The following DPP10 variants were observed in gnomAD, a reference collection of about 807,000 sequenced individuals.
DPP10 encodes the protein dipeptidyl peptidase like 10.
Under a neutral mutation model 120.9 loss-of-function variants are expected in DPP10, and 33 were observed. The observed-to-expected ratio is 0.27, with a 90% CI of 0.21 to 0.37. The LOEUF (loss-of-function observed/expected upper bound fraction) is 0.37. DPP10 is among the 10% of genes least tolerant of loss of function. The pLI, the probability that DPP10 is intolerant of heterozygous loss-of-function variation, is 1.00. For missense variants in DPP10, 816 were observed against 942.8 expected (o/e 0.87, Z 1.76); for synonymous variants, 337 against 326.1 (o/e 1.03, Z -0.36).
At chr2:114,782,081 T>A in intron 1 of DPP10, among the ~76,000 whole-genome samples, 1 of 152,212 alleles carries the variant, frequency 6.6e-6, no homozygotes, top group South Asian at 2.1e-4. Context: ...TAAAGAATCA[T>A]GAGTCTTCAA....
chr2:115,606,930 C>G (rs1035062394), intron 5 of DPP10, among the ~76,000 whole-genome samples: 49 of 152,306 alleles, frequency 3.2e-4, no homozygotes, highest in African/African-American at 1.2e-3. Flanking sequence ...CATTTTTCCT[C>G]TCCTGCCTTG....
chr2:115,201,667 A>G (rs1304127028), intron 1 of DPP10, among the ~76,000 whole-genome samples: 11 of 152,162 alleles, frequency 7.2e-5, no homozygotes, highest in African/African-American at 2.7e-4. Flanking sequence ...TTTCTTTTCA[A>G]GAGCTCATGT....
Position 114,620,631 on chromosome 2 carries a change from A to G in DPP10, c.60+177793A>G, listed in dbSNP as rs191653011. The stretch of plus-strand genomic sequence containing the variant: ...TGACAGTGAAAATTTGTTCTGCAAT[A>G]TCTATTTGGTTTTACGTATTTGTTT... On this transcript the variant is annotated intron_variant, in intron 1 of 25. Transcript: ENST00000410059. Among the ~76,000 whole-genome samples the G allele has an allele frequency of 7.9e-5, 12 of 152,178 alleles. 1 individual carries two copies. Among genetic ancestry groups the G allele is most frequent in the African/African-American group, 2.9e-4 (12 of 41,554 alleles).
intron 1 of DPP10, among the ~76,000 whole-genome samples, chr2:114,711,426 C>G (rs1166569410): frequency 6.6e-6 from 1 of 152,128 alleles, no homozygotes; most frequent in Non-Finnish European, 1.5e-5. Flanking sequence ...ATCCAGCTGC[C>G]TGGGTTACAA....
At chr2:115,025,183 C>A (rs1703371028) in intron 1 of DPP10, among the ~76,000 whole-genome samples, 1 of 72,394 alleles carries the variant, frequency 1.4e-5, no homozygotes, top group Non-Finnish European at 2.8e-5. Flanking sequence ...CTGGTAACCA[C>A]CAATCTTCTC....
At chr2:115,045,637 TGGTCCA>T (rs1705006893) in intron 1 of DPP10, among the ~76,000 whole-genome samples, 1 of 152,212 alleles carries the variant, frequency 6.6e-6, no homozygotes, top group Non-Finnish European at 1.5e-5. Context: ...CTGTGCCATG[TGGTCCA>T]GACCAGGGGA....
At chr2:115,586,042 G>C (rs942620675) in intron 5 of DPP10, among the ~76,000 whole-genome samples, 4 of 152,132 alleles carry the variant, frequency 2.6e-5, no homozygotes, top group African/African-American at 9.7e-5. Context: ...AATATCAAAG[G>C]CCAGGTGTGG....
intron 5 of DPP10, among the ~76,000 whole-genome samples, chr2:115,582,795 C>T (rs916025927): frequency 2.0e-5 from 3 of 152,212 alleles, no homozygotes; most frequent in East Asian, 3.9e-4. Flanking sequence ...AAAAATGTCT[C>T]GGGGTTGTTA....
At chr2:114,918,617 C>T (rs1001120722) in intron 1 of DPP10, among the ~76,000 whole-genome samples, 2 of 152,104 alleles carry the variant, frequency 1.3e-5, no homozygotes, top group African/African-American at 2.4e-5. Flanking sequence ...ACAGAGCCAT[C>T]GAATGAATGA....
chr2:114,548,802 T>C (rs970415745), intron 1 of DPP10, among the ~76,000 whole-genome samples: 1 of 152,172 alleles, frequency 6.6e-6, no homozygotes, highest in Non-Finnish European at 1.5e-5. Context: ...TGGCACCAGT[T>C]GCTTGTAATG....
chr2:115,685,422 C>T (rs2149485647), intron 5 of DPP10, among the ~76,000 whole-genome samples: 1 of 152,092 alleles, frequency 6.6e-6, no homozygotes, highest in Admixed American at 6.6e-5. Context: ...TGACCTACAA[C>T]AGAGTTTTCC....
At chr2:114,584,348 G>C (rs917710288) in intron 1 of DPP10, among the ~76,000 whole-genome samples, 14 of 152,096 alleles carry the variant, frequency 9.2e-5, no homozygotes, top group African/African-American at 3.1e-4. Flanking sequence ...GCTTAGAGTT[G>C]TTAACAACCT....
intron 1 of DPP10, among the ~76,000 whole-genome samples, chr2:114,830,361 T>C (rs1374757426): frequency 2.0e-5 from 3 of 152,186 alleles, no homozygotes; most frequent in African/African-American, 7.2e-5. Flanking sequence ...TCCTCTGTTC[T>C]GTGCTGTTCA....
At chr2:115,467,215 C>T (rs1468899530) in intron 3 of DPP10, among the ~76,000 whole-genome samples, 2 of 152,100 alleles carry the variant, frequency 1.3e-5, no homozygotes, top group East Asian at 1.9e-4. Flanking sequence ...TTTGCACACA[C>T]ACATGCACAT....
At chr2:115,267,040 A>G (rs2059490580) in intron 1 of DPP10, among the ~76,000 whole-genome samples, 1 of 152,228 alleles carries the variant, frequency 6.6e-6, no homozygotes, top group South Asian at 2.1e-4. Context: ...TCCCACCTCC[A>G]GTCCTATAGG....
intron 1 of DPP10, among the ~76,000 whole-genome samples, chr2:115,085,604 G>A (rs1319693409): frequency 2.6e-5 from 4 of 152,100 alleles, no homozygotes; most frequent in Admixed American, 2.0e-4. Context: ...TCAGAAGCAG[G>A]TAGTGGCCAG....
chr2:115,688,968 T>C (rs1220803533), intron 5 of DPP10, among the ~76,000 whole-genome samples: 1 of 152,146 alleles, frequency 6.6e-6, no homozygotes, highest in Non-Finnish European at 1.5e-5. Context: ...GAACCATCAC[T>C]CAAGAAATAC....
chr2:114,790,877 A>G, intron 1 of DPP10, among the ~76,000 whole-genome samples: 1 of 152,230 alleles, frequency 6.6e-6, no homozygotes, highest in Non-Finnish European at 1.5e-5. Context: ...GAATACGTGC[A>G]GGTCACAGGG....
intron 1 of DPP10, among the ~76,000 whole-genome samples, chr2:114,676,923 C>A (rs1201193541): frequency 6.6e-6 from 1 of 151,988 alleles, no homozygotes; most frequent in African/African-American, 2.4e-5. Context: ...ATGGACAGAG[C>A]ACTTTAAACA....
Sources: gnomAD v4.1 joint callset for allele counts (sites outside exome capture counted in the v4.1 genomes callset) on GRCh38, gnomAD v4.1.1 for gene constraint, MANE v1.5 for transcripts, NCBI Gene and HGNC (gene_info 2026-07-23, HGNC 2026-07-21) for gene names.